TAFA1: variants seen among roughly 807,000 people sequenced by gnomAD.
TAFA1 encodes the protein chemokine-like protein TAFA-1.
A neutral mutation model predicts 18.5 loss-of-function variants in TAFA1; 4 were observed. That is an observed-to-expected ratio of 0.22 (90% CI 0.11 to 0.49). The LOEUF is 0.49. TAFA1 is among the 20% of genes least tolerant of loss of function. The pLI is 0.98. For synonymous variants in TAFA1, 56 were observed against 55.2 expected, an observed-to-expected ratio of 1.01 and a Z score of -0.06; for missense variants, 147 against 169.0, an observed-to-expected ratio of 0.87 and a Z score of 0.72.
At chr3:68,073,326 G>A (rs2064780582) in intron 2 of TAFA1, among the ~76,000 whole-genome samples, 1 of 152,222 alleles carries the variant, frequency 6.6e-6, no homozygotes, top group South Asian at 2.1e-4. Flanking sequence ...ATTTACTCCA[G>A]GTTTCATCTT....
At chr3:68,206,976 G>T (rs1273491830) in intron 2 of TAFA1, among the ~76,000 whole-genome samples, 1 of 151,826 alleles carries the variant, frequency 6.6e-6, no homozygotes, top group African/African-American at 2.4e-5. Context: ...AAAGTGGTAA[G>T]GTGTTTTTAC....
chr3:68,071,345 G>A (rs964632722), intron 2 of TAFA1, among the ~76,000 whole-genome samples: 4 of 152,168 alleles, frequency 2.6e-5, no homozygotes, highest in Non-Finnish European at 4.4e-5. Context: ...AACAGTCTGG[G>A]AAAGACCTGC....
At chr3:68,338,656 ACTTTG>A (rs2069019350) in intron 2 of TAFA1, among the ~76,000 whole-genome samples, 1 of 152,178 alleles carries the variant, frequency 6.6e-6, no homozygotes, top group South Asian at 2.1e-4. Context: ...AGGATTCAAA[ACTTTG>A]CTTTCTTATT....
chr3:68,412,128 A>G (rs1435148544), intron 2 of TAFA1, among the ~76,000 whole-genome samples: 1 of 152,182 alleles, frequency 6.6e-6, no homozygotes, highest in Non-Finnish European at 1.5e-5. Flanking sequence ...TAAGGAAGAT[A>G]TGGCCTGGGG....
intron 2 of TAFA1, among the ~76,000 whole-genome samples, chr3:68,285,802 A>G (rs55909722): frequency 0.028 from 4,263 of 152,242 alleles, 103 homozygotes; most frequent in South Asian, 0.099. Context: ...AAGTAATGAG[A>G]TTTGCATTAA....
chr3:68,263,709 A>G (rs1356576073), intron 2 of TAFA1, among the ~76,000 whole-genome samples: 2 of 151,970 alleles, frequency 1.3e-5, no homozygotes, highest in Admixed American at 1.3e-4. Flanking sequence ...AATCCAGGAT[A>G]CCATCCCCTG....
chr3:68,383,712 G>T (rs2070030297), intron 2 of TAFA1, among the ~76,000 whole-genome samples: 1 of 152,090 alleles, frequency 6.6e-6, no homozygotes, highest in South Asian at 2.1e-4. Flanking sequence ...GAGGTAGGGA[G>T]GAGTCCCTCT....
intron 2 of TAFA1, among the ~76,000 whole-genome samples, chr3:68,139,604 A>G (rs2065646294): frequency 6.6e-6 from 1 of 152,198 alleles, no homozygotes; most frequent in Non-Finnish European, 1.5e-5. Context: ...TTCCTTTTAT[A>G]GAATGAACTA....
chr3:68,281,014 G>A (rs1227320380), intron 2 of TAFA1, among the ~76,000 whole-genome samples: 1 of 152,070 alleles, frequency 6.6e-6, no homozygotes, highest in Non-Finnish European at 1.5e-5. Context: ...ATTTATAATA[G>A]TGTTCTTTAT....
intron 2 of TAFA1, among the ~76,000 whole-genome samples, chr3:68,139,536 T>C (rs942019083): frequency 2.0e-5 from 3 of 152,158 alleles, no homozygotes; most frequent in African/African-American, 7.2e-5. Context: ...TATTCTCTTC[T>C]TTAAAAAAAG....
intron 2 of TAFA1, among the ~76,000 whole-genome samples, chr3:68,248,728 G>A (rs2067133244): frequency 1.4e-5 from 2 of 144,882 alleles, no homozygotes; most frequent in South Asian, 4.6e-4. Context: ...TGGGTGGTGG[G>A]CGGGGGGCGG....
At chr3:68,489,276 C>T (rs2072407734) in intron 3 of TAFA1, among the ~76,000 whole-genome samples, 1 of 152,086 alleles carries the variant, frequency 6.6e-6, no homozygotes, top group Non-Finnish European at 1.5e-5. Flanking sequence ...GTGCCTCATG[C>T]AAAAGGAGTA....
chr3:68,329,562 C>G lies in TAFA1; in HGVS notation c.119-87718C>G, dbSNP rs2068830599. Among the ~76,000 whole-genome samples the G allele has an allele frequency of 3.9e-5, 6 of 152,264 alleles. No homozygotes were observed. In the South Asian group the frequency reaches 1.2e-3, roughly 32 times the overall value. ...TTCAGAGGCCACAGTTCTTGACTAT[C>G]AGATCCTTTTTGCTCTCAAACAAGA... On this transcript the variant is annotated intron_variant, in intron 2 of 4. Transcript: ENST00000478136.
In TAFA1 at chr3:68,442,155, C is replaced by A. The variant is rs181981251; in HGVS notation, c.259+24735C>A. On this transcript the variant is annotated intron_variant, in intron 3 of 4. Transcript: ENST00000478136. Reference sequence around the variant, plus strand: ...CTTATATCAATTTTTTTAATTAGTCCATTTTCTGTTGCTTATAACAGAATC... The same window carrying A: ...CTTATATCAATTTTTTTAATTAGTCAATTTTCTGTTGCTTATAACAGAATC... Among the ~76,000 whole-genome samples the A allele has an allele frequency of 3.7e-4, 57 of 152,144 alleles. No individual in the cohort carries two copies. The South Asian group carries it at 5.2e-3, about 14-fold the overall frequency.
At chr3:68,425,285 GATGCAT>G (rs2071031387) in intron 3 of TAFA1, among the ~76,000 whole-genome samples, 1 of 151,962 alleles carries the variant, frequency 6.6e-6, no homozygotes, top group Admixed American at 6.6e-5. Context: ...GTGGATCAGG[GATGCAT>G]GCCACAAAGG....
At chr3:68,199,707 G>A (rs532649084) in intron 2 of TAFA1, among the ~76,000 whole-genome samples, 19 of 151,594 alleles carry the variant, frequency 1.3e-4, no homozygotes, top group African/African-American at 4.6e-4. Context: ...CTTGTATCAT[G>A]TAACCTTTCT....
intron 3 of TAFA1, among the ~76,000 whole-genome samples, chr3:68,521,141 C>A (rs6419764): frequency 6.6e-6 from 1 of 152,062 alleles, no homozygotes; most frequent in African/African-American, 2.4e-5. Flanking sequence ...CTGTCATATA[C>A]GCATTTCAGA....
At chr3:68,101,781 A>G (rs1023194184) in intron 2 of TAFA1, among the ~76,000 whole-genome samples, 2 of 152,096 alleles carry the variant, frequency 1.3e-5, no homozygotes, top group African/African-American at 2.4e-5. Flanking sequence ...GAGTCATGTC[A>G]TGGAGTGCTC....
At chr3:68,442,731 A>G (rs2071406769) in intron 3 of TAFA1, among the ~76,000 whole-genome samples, 1 of 152,186 alleles carries the variant, frequency 6.6e-6, no homozygotes, top group Admixed American at 6.6e-5. Flanking sequence ...GGCTCAGTGT[A>G]GCCATCAGCA....
Sources: allele counts gnomAD v4.1 joint callset (sites outside exome capture counted in the v4.1 genomes callset), GRCh38; gene constraint gnomAD v4.1.1; transcripts MANE v1.5; gene names NCBI Gene and HGNC (gene_info 2026-07-23, HGNC 2026-07-21).